The following KRT24 variants were observed in gnomAD, a reference collection of about 807,000 sequenced individuals.
KRT24 encodes keratin 24.
Under a neutral mutation model 51.7 loss-of-function variants are expected in KRT24, and 44 were observed. The observed-to-expected ratio is 0.85, with a 90% CI of 0.67 to 1.09. The LOEUF is 1.09. Ranked by LOEUF, KRT24 falls within the 50% of genes least tolerant of loss-of-function variation. KRT24 has a pLI of 0.00. For missense variants in KRT24, 633 were observed against 647.0 expected (o/e 0.98, Z 0.24); for synonymous variants, 241 against 249.5 (o/e 0.97, Z 0.32).
At position 40,703,208 on chromosome 17, in the gene KRT24, C is replaced by G; in HGVS notation, c.486G>C (p.Glu162Asp). ...TGTTCTCCAGATCAGTGTTAGCCTC[C>G]TCCAGGGCTCTGACCTTGTCTAGGT... is the stretch of plus-strand genomic sequence containing the variant. ...ANYLDKVRAL[E>D]EANTDLENKI... Residue 162 changes from glutamate (E) to aspartate (D), a missense_variant, in exon 1 of 8, where the codon GAG becomes GAC. Coordinates refer to ENST00000264651, the MANE Select transcript of KRT24 (RefSeq NM_019016.3). 1 of 1,614,140 alleles carries G rather than the reference C, an allele frequency of 6.2e-7. No homozygotes were observed. The highest frequency in any genetic ancestry group is 8.5e-7 in the Non-Finnish European group (1 of 1,180,028).
chr17:40,699,917 C>T (rs2037654476), intron 5 of KRT24, 81 bp downstream of exon 5: 9 of 1,565,718 alleles, frequency 5.7e-6, no homozygotes, highest in Admixed American at 1.7e-5. Context: ...TTTTATGTGC[C>T]TAGTGAACCT....
chr17:40,698,372 G>A (rs1567861291), intron 7 of KRT24, 32 bp from the exon 8 acceptor site: 1 of 1,414,720 alleles, frequency 7.1e-7, no homozygotes, highest in South Asian at 1.2e-5. Flanking sequence ...TGTCAGTCTG[G>A]AAACTCTCAC....
chr17:40,701,969 G>A, intron 1 of KRT24, 36 bp from the exon 2 acceptor site: 1 of 1,115,840 alleles, frequency 9.0e-7, no homozygotes, highest in Non-Finnish European at 1.3e-6. Flanking sequence ...AATCACGAAT[G>A]ATTTTTACCT....
In KRT24 at chr17:40,701,121, A is replaced by G. The variant is rs1360064100; in HGVS notation, c.855+19T>C. The G allele has an allele frequency of 2.5e-6, 4 of 1,611,252 alleles. No individual in the cohort carries two copies. The highest frequency in any genetic ancestry group is 1.7e-5 in the Admixed American group (1 of 59,848). On this transcript the variant is annotated intron_variant, in intron 3 of 7. Coordinates refer to ENST00000264651, the MANE Select transcript of KRT24 (RefSeq NM_019016.3). ...ATATGTTAGCTAGAGTTATTCGTTTATGTAGAACATGTTCCTACCTCCTCG... is the reference window on the plus strand; with the variant it reads ...ATATGTTAGCTAGAGTTATTCGTTTGTGTAGAACATGTTCCTACCTCCTCG...
chr17:40,698,979 T>A (rs879823370), intron 6 of KRT24, among the ~76,000 whole-genome samples: 1 of 151,672 alleles, frequency 6.6e-6, no homozygotes, highest in Non-Finnish European at 1.5e-5. Context: ...TGAGCTCAAG[T>A]GATCTTCCCG....
chr17:40,698,212 A>T lies in KRT24; in HGVS notation c.*25T>A. ...TTCTTGATTTTTTTTTCTTTGAAAG[A>T]CACTTTTGTTGATCTGGAAGTTCCT... On this transcript the variant is annotated 3_prime_UTR_variant, in exon 8 of 8. Transcript: ENST00000264651. The T allele has an allele frequency of 7.2e-7, 1 of 1,393,786 alleles. No homozygotes were observed. Among genetic ancestry groups the T allele is most frequent in the South Asian group, 1.2e-5 (1 of 85,820 alleles). The allele number at this position is 1,393,786 out of a possible 1,614,324, so 86.3% of individuals were successfully genotyped here.
chr17:40,698,458 C>A lies in KRT24; in HGVS notation c.1474+80G>T. Reference sequence around the variant, plus strand: ...CTGGGTAAGATTATGTAAAAAATAGCGGACTCTTTTAGTATGACAAGCAAA... The same window carrying A: ...CTGGGTAAGATTATGTAAAAAATAGAGGACTCTTTTAGTATGACAAGCAAA... On this transcript the variant is annotated intron_variant, in intron 7 of 7. Transcript: ENST00000264651. 5 of 1,094,546 alleles carry A rather than the reference C, an allele frequency of 4.6e-6. No individual in the cohort carries two copies. In the Admixed American group the frequency reaches 9.5e-5, roughly 21 times the overall value. 67.8% of individuals were successfully genotyped at this position (1,094,546 alleles called of 1,614,324 possible). A position where few individuals can be genotyped will look rare whatever the true frequency, so the allele number is the denominator to read the frequency against.
rs1555610272 is a variant in KRT24 at position 40,701,777 on chromosome 17, A to ATTTATT, written c.698+73_698+74insAATAAA. 5 of 35,322 alleles carry ATTTATT rather than the reference A, an allele frequency of 1.4e-4. 1 individual carries two copies. Among genetic ancestry groups the ATTTATT allele is most frequent in the Non-Finnish European group, 2.1e-4 (4 of 18,680 alleles). 2.2% of individuals were successfully genotyped at this position (35,322 alleles called of 1,614,324 possible). A position where few individuals can be genotyped will look rare whatever the true frequency, so the allele number is the denominator to read the frequency against. On this transcript the variant is annotated intron_variant, in intron 2 of 7. Coordinates refer to ENST00000264651, the MANE Select transcript of KRT24 (RefSeq NM_019016.3). Reference sequence around the variant, plus strand: ...TATATATATATATATATATATATATATATTTATTTATAAAATGGAATAAAA... The same window carrying ATTTATT: ...TATATATATATATATATATATATATATTTATTTATTTATTTATAAAATGGAATAAAA...
chr17:40,700,483 GGA>G, intron 3 of KRT24, 100 bp from the exon 4 acceptor site: 1 of 804,236 alleles, frequency 1.2e-6, no homozygotes, highest in South Asian at 2.4e-5. Context: ...GACACTGAAA[GGA>G]AAAAAAAAAA....
chr17:40,698,334 C>T lies in KRT24; in HGVS notation c.1481G>A (p.Ser494Asn). 1.2e-6 allele frequency: 2 copies of T among 1,604,758 alleles called. No homozygotes were observed. Among genetic ancestry groups the T allele is most frequent in the South Asian group, 1.1e-5 (1 of 90,464 alleles). Residue 494 changes from serine (S) to asparagine (N), a missense_variant, in exon 8 of 8, where the codon AGC (serine) becomes AAC (asparagine). Transcript: ENST00000264651. ...GSCSGQGRDS[S>N]KTRVTKTIVE... Reference sequence around the variant, plus strand: ...GATAGTCTTAGTCACTCTAGTCTTGCTTGAATCTGAAAATCATGGGATTGC... The same window carrying T: ...GATAGTCTTAGTCACTCTAGTCTTGTTTGAATCTGAAAATCATGGGATTGC...
In KRT24 at chr17:40,699,591, G is replaced by A. The variant is rs149979571; in HGVS notation, c.1214C>T (p.Thr405Met). Residue 405 changes from threonine to methionine, a missense_variant, in exon 6 of 8, where the codon ACG (threonine) becomes ATG (methionine). Coordinates refer to ENST00000264651, the MANE Select transcript of KRT24 (RefSeq NM_019016.3). ...CTCCTCCTCCAGGGCACTGATCTGC[G>A]TTTGAATTTCTGACAGCTGAGCCAC... ...GYVAQLSEIQ[T>M]QISALEEEIC... 3.8e-4 allele frequency: 616 copies of A among 1,614,032 alleles called. 2 individuals are homozygous for A. The highest frequency in any genetic ancestry group is 4.7e-4 in the Non-Finnish European group (559 of 1,180,024).
intron 3 of KRT24, 93 bp from the exon 4 acceptor site, chr17:40,700,476 ACTG>A: frequency 1.1e-6 from 1 of 891,814 alleles, no homozygotes; most frequent in African/African-American, 1.7e-5. Flanking sequence ...AAAGTAGGAC[ACTG>A]AAAGGAAAAA....
In KRT24 at chr17:40,703,271, C is replaced by A. The variant is rs2037704368; in HGVS notation, c.423G>T (p.Lys141Asn). 1.9e-6 allele frequency: 3 copies of A among 1,614,136 alleles called. No homozygotes were observed. The highest frequency in any genetic ancestry group is 2.5e-6 in the Non-Finnish European group (3 of 1,180,012). ...GGTCATTGAGGTTCTGCATGGTTTG[C>A]TTTTCCCCTCCAGAGAAAAGCCCCC... ...GDGGLFSGGEKQTMQNLNDRL... is the reference protein window; with the variant it reads ...GDGGLFSGGENQTMQNLNDRL... The change falls in exon 1 of 8, where the codon AAG (lysine) becomes AAT (asparagine). Residue 141 changes from lysine to asparagine, a missense_variant. Physicochemically the swap from Lys to Asn is moderately conservative, Grantham distance 94. Coordinates refer to ENST00000264651, the MANE Select transcript of KRT24 (RefSeq NM_019016.3).
At chr17:40,699,179 C>T (rs1003522876) in intron 6 of KRT24, among the ~76,000 whole-genome samples, 1 of 152,060 alleles carries the variant, frequency 6.6e-6, no homozygotes, top group African/African-American at 2.4e-5. Flanking sequence ...GCCCAGCCTC[C>T]AGCTAATTTT....
At chr17:40,698,935 G>A (rs2037641324) in intron 6 of KRT24, among the ~76,000 whole-genome samples, 2 of 150,718 alleles carry the variant, frequency 1.3e-5, no homozygotes, top group South Asian at 4.2e-4. Flanking sequence ...GGAGTATAGT[G>A]GCATGATTAC....
At chr17:40,702,959 T>C (rs2037699572) in intron 1 of KRT24, 120 bp downstream of exon 1, 3 of 1,011,684 alleles carry the variant, frequency 3.0e-6, no homozygotes, top group Non-Finnish European at 4.2e-6. Context: ...GGTCCCACTT[T>C]GCATATGTAA....
Position 40,701,152 on chromosome 17 carries a change from C to A in KRT24, c.843G>T (p.Lys281Asn), listed in dbSNP as rs774448536. The change falls in exon 3 of 8, where the codon AAG becomes AAT. Residue 281 changes from lysine to asparagine, a missense_variant. By Grantham distance (94) the Lys-to-Asn change is moderately conservative. Transcript: ENST00000264651. ...SFTEELAYLRKNHEEEMKNMQ... is the reference protein window; with the variant it reads ...SFTEELAYLRNNHEEEMKNMQ... The stretch of plus-strand genomic sequence containing the variant: ...AACATGTTCCTACCTCCTCGTGGTT[C>A]TTCCTCAGGTAGGCTAGCTCCTCGG... 1.2e-6 allele frequency: 2 copies of A among 1,613,874 alleles called. No individual in the cohort carries two copies. The highest frequency in any genetic ancestry group is 1.7e-5 in the Admixed American group (1 of 59,972).
At chr17:40,702,977 A>C in intron 1 of KRT24, 102 bp downstream of exon 1, 1 of 1,272,746 alleles carries the variant, frequency 7.9e-7, no homozygotes, top group Non-Finnish European at 1.1e-6. Flanking sequence ...TAACAAGCAA[A>C]TATGTTTTCA....
Position 40,699,474 on chromosome 17 carries a change from G to T in KRT24, c.1331C>A (p.Thr444Asn). ...IKTRLEVEIE[T>N]YRRLLDGEGG... ...CTCTCCATCGAGCAGGCGGCGGTAG[G>T]TCTCGATCTCCACCTCCAGGCGTGT... Residue 444 changes from threonine to asparagine, a missense_variant, in exon 6 of 8, where the codon ACC becomes AAC. Transcript: ENST00000264651. The T allele has an allele frequency of 1.9e-6, 3 of 1,613,928 alleles. No homozygotes were observed. Among genetic ancestry groups the T allele is most frequent in the Non-Finnish European group, 2.5e-6 (3 of 1,179,920 alleles).
Sources: allele counts gnomAD v4.1 joint callset (sites outside exome capture counted in the v4.1 genomes callset), GRCh38; gene constraint gnomAD v4.1.1; transcripts MANE v1.5; gene names NCBI Gene and HGNC (gene_info 2026-07-23, HGNC 2026-07-21).